The following NEBL variants were observed in gnomAD, a reference collection of about 807,000 sequenced individuals.
NEBL encodes LIM and SH3 protein 2.
A neutral mutation model predicts 140.2 loss-of-function variants in NEBL; 122 were observed. The ratio of observed to expected loss-of-function variants is 0.87; its 90% confidence interval spans 0.75 to 1.01. The LOEUF (loss-of-function observed/expected upper bound fraction) is 1.01, where lower values mean the gene tolerates loss of function less well. NEBL is among the 50% of genes least tolerant of loss of function. NEBL has a pLI of 0.00. For missense variants in NEBL, 1,365 were observed against 1,231.3 expected, an observed-to-expected ratio of 1.11 and a Z score of -1.62; for synonymous variants, 436 against 398.9, an observed-to-expected ratio of 1.09 and a Z score of -1.11.
In NEBL at chr10:21,015,776, G is replaced by A. The variant is rs538683099; in HGVS notation, c.249+4341C>T. Among the ~76,000 whole-genome samples the A allele has an allele frequency of 2.6e-5, 4 of 152,292 alleles. No individual in the cohort carries two copies. In the East Asian group the frequency reaches 5.8e-4, roughly 22 times the overall value. On this transcript the variant is annotated intron_variant, in intron 3 of 6. Transcript: ENST00000417816. ...AATCCTGCCACCTCAGCCTCCCGAA[G>A]TGCTGGGATTACAGGCATAAGCCAC...
chr10:20,948,106 G>A (rs1835270129), intron 4 of NEBL, among the ~76,000 whole-genome samples: 1 of 152,232 alleles, frequency 6.6e-6, no homozygotes, highest in Non-Finnish European at 1.5e-5. Flanking sequence ...CTTTAGAGTT[G>A]AGTGTTGTTC....
intron 8 of NEBL, 78 bp from the exon 9 acceptor site, chr10:20,858,422 A>T (rs1843315002): frequency 8.3e-7 from 1 of 1,205,634 alleles, no homozygotes; most frequent in Non-Finnish European, 1.2e-6. Flanking sequence ...TTTTTCATAC[A>T]TCATAAAGTA....
intron 16 of NEBL, among the ~76,000 whole-genome samples, chr10:20,830,676 T>G (rs1840311316): frequency 6.6e-6 from 1 of 151,496 alleles, no homozygotes; most frequent in Non-Finnish European, 1.5e-5. Flanking sequence ...ACAAAACGTT[T>G]GTAATTTATT....
intron 27 of NEBL, among the ~76,000 whole-genome samples, chr10:20,786,787 A>T (rs1835449928): frequency 6.6e-6 from 1 of 152,200 alleles, no homozygotes; most frequent in Admixed American, 6.5e-5. Flanking sequence ...GTTCTTCAAG[A>T]TTTCCAATGG....
chr10:21,186,148 A>G (rs1000812564), intron 3 of NEBL, among the ~76,000 whole-genome samples: 32 of 152,106 alleles, frequency 2.1e-4, no homozygotes, highest in Non-Finnish European at 3.8e-4. Context: ...CACACTTAAA[A>G]CTTTAAAAAA....
chr10:21,169,067 A>AAAAATAT (rs1554830679), intron 2 of NEBL, among the ~76,000 whole-genome samples: 16 of 23,074 alleles, frequency 6.9e-4, no homozygotes, highest in Admixed American at 2.3e-3. Flanking sequence ...AAAAAAAAAA[A>AAAAATAT]ATATATATAT....
At position 21,044,388 on chromosome 10, in the gene NEBL, G is replaced by A. The variant is rs996457299; in HGVS notation, c.165-24187C>T. ...CTCCAGCCTGGGTGACTGGGTGACA[G>A]AGTAAGAATAAAAAAAAAAAAAAAA... On this transcript the variant is annotated intron_variant, in intron 2 of 6. Transcript: ENST00000417816. Among the ~76,000 whole-genome samples the A allele has an allele frequency of 8.0e-5, 4 of 50,008 alleles. No homozygotes were observed. The Admixed American group carries it at 1.3e-3, about 17-fold the overall frequency. 32.8% of individuals were successfully genotyped at this position (50,008 alleles called of 152,430 possible). A position where few individuals can be genotyped will look rare whatever the true frequency, so the allele number is the denominator to read the frequency against.
intron 22 of NEBL, among the ~76,000 whole-genome samples, chr10:20,814,645 G>T (rs913330134): frequency 9.9e-6 from 1 of 100,762 alleles, no homozygotes; most frequent in Non-Finnish European, 2.0e-5. Context: ...CACACAACTG[G>T]TTATCATATT....
At chr10:21,035,299 C>T (rs1833969167) in intron 2 of NEBL, among the ~76,000 whole-genome samples, 1 of 150,602 alleles carries the variant, frequency 6.6e-6, no homozygotes, top group African/African-American at 2.4e-5. Flanking sequence ...TGCCCAGCCC[C>T]CAAGCTATTT....
chr10:21,280,274 T>C (rs1421639932), intron 1 of NEBL, among the ~76,000 whole-genome samples: 1 of 152,136 alleles, frequency 6.6e-6, no homozygotes, highest in Admixed American at 6.5e-5. Flanking sequence ...CATTTCTACA[T>C]GTGAAATGGA....
At position 21,227,700 on chromosome 10, in the gene NEBL, T is replaced by A. The variant is rs928899340; in HGVS notation, n.348+20221A>T. ...TTCTTCTTCTTCTTCTTCTTCTTCT[T>A]CTTCTTCTTCTTTCTTCTTCTTCTT... On this transcript the variant is annotated intron_variant and non_coding_transcript_variant, in intron 3 of 8. Coordinates refer to the NEBL transcript ENST00000675702. 1.3e-4 allele frequency among the ~76,000 whole-genome samples: 11 copies of A among 83,548 alleles called. No individual in the cohort carries two copies. The East Asian group carries it at 2.8e-3, about 21-fold the overall frequency. The allele number at this position is 83,548 out of a possible 152,430, so 54.8% of individuals were successfully genotyped here.
intron 2 of NEBL, among the ~76,000 whole-genome samples, chr10:21,082,448 C>A (rs577996953): frequency 6.7e-5 from 10 of 148,928 alleles, no homozygotes; most frequent in African/African-American, 2.3e-4. Context: ...ATTCTGGCAA[C>A]TTACTTTCAA....
intron 3 of NEBL, among the ~76,000 whole-genome samples, chr10:21,236,923 ATTCC>A (rs1842360786): frequency 6.6e-6 from 1 of 152,202 alleles, no homozygotes; most frequent in Non-Finnish European, 1.5e-5. Flanking sequence ...TACTATTATT[ATTCC>A]CCCTTTATAG....
rs1466081819 is a variant in NEBL, at chr10:20,928,133, C to T, written c.357+33539G>A. On this transcript the variant is annotated intron_variant, in intron 4 of 6. Transcript: ENST00000417816. ...CTTCAAAATCACTGTACAATTTATA[C>T]TTACAGCACATCTCAATCCAGATGC... Among the ~76,000 whole-genome samples the T allele has an allele frequency of 2.0e-5, 3 of 152,178 alleles. No homozygotes were observed. In the East Asian group the frequency reaches 5.8e-4, roughly 29 times the overall value.
At chr10:20,850,789 C>T (rs1031639862) in intron 10 of NEBL, among the ~76,000 whole-genome samples, 1 of 152,088 alleles carries the variant, frequency 6.6e-6, no homozygotes, top group African/African-American at 2.4e-5. Flanking sequence ...AGATATGTAT[C>T]GTATATATGG....
At chr10:20,957,101 C>A (rs894818556) in intron 4 of NEBL, among the ~76,000 whole-genome samples, 4 of 152,168 alleles carry the variant, frequency 2.6e-5, no homozygotes, top group Admixed American at 6.5e-5. Context: ...CTCATGTTCA[C>A]CCTTGCACTC....
chr10:21,060,291 A>G (rs1835216809), intron 2 of NEBL, among the ~76,000 whole-genome samples: 1 of 152,188 alleles, frequency 6.6e-6, no homozygotes, highest in African/African-American at 2.4e-5. Flanking sequence ...CATTCTTCAT[A>G]TACATTAGGC....
chr10:21,076,877 G>A (rs768672418), intron 2 of NEBL, among the ~76,000 whole-genome samples: 3 of 152,126 alleles, frequency 2.0e-5, no homozygotes, highest in Non-Finnish European at 2.9e-5. Context: ...ATAGACAAAT[G>A]GCCAGAGACA....
chr10:21,065,725 T>C (rs1835503899), intron 2 of NEBL, among the ~76,000 whole-genome samples: 1 of 152,188 alleles, frequency 6.6e-6, no homozygotes, highest in Non-Finnish European at 1.5e-5. Context: ...TATTAGTCTT[T>C]AATCCTGCAG....
Sources: allele counts gnomAD v4.1 joint callset (sites outside exome capture counted in the v4.1 genomes callset), GRCh38; gene constraint gnomAD v4.1.1; transcripts MANE v1.5; gene names NCBI Gene and HGNC (gene_info 2026-07-23, HGNC 2026-07-21).